ADAMTS7: variants seen among roughly 807,000 people sequenced by gnomAD.
The protein encoded by ADAMTS7 is A disintegrin and metalloproteinase with thrombospondin motifs 7.
ADAMTS7 carries 89 observed loss-of-function variants against 172.6 expected under a neutral mutation model. That is an observed-to-expected ratio of 0.52 (90% CI 0.43 to 0.61). The LOEUF is 0.61. Among genes scored for constraint, ADAMTS7 ranks in the 20% least tolerant of loss-of-function variants. The pLI is 0.00. For synonymous variants in ADAMTS7, 885 were observed against 978.4 expected, an observed-to-expected ratio of 0.90 and a Z score of 1.78; for missense variants, 1,973 against 2,355.6, an observed-to-expected ratio of 0.84 and a Z score of 3.36.
At chr15:78,803,196 AC>A (rs2055747712) in intron 1 of ADAMTS7, among the ~76,000 whole-genome samples, 1 of 149,306 alleles carries the variant, frequency 6.7e-6, no homozygotes, top group Admixed American at 6.7e-5. Context: ...ACTTGTCACT[AC>A]AAAAAAAAAA....
Position 78,777,504 on chromosome 15 carries a change from A to T in ADAMTS7, c.1407T>A (p.Asp469Glu), listed in dbSNP as rs763020785. The change falls in exon 9 of 24, where the codon GAT (aspartate) becomes GAA (glutamate). Residue 469 changes from aspartate to glutamate, a missense_variant. Physicochemically the swap from Asp to Glu is conservative, Grantham distance 45. Coordinates refer to ENST00000388820, the MANE Select transcript of ADAMTS7 (RefSeq NM_014272.5). ...FPSVPPGVLY[D>E]VSHQCRLQYG... ...ACTGGAGGCGGCACTGGTGGCTTAC[A>T]TCATAGAGGACGCCAGGTGGCACCG... 29 of 1,612,396 alleles carry T rather than the reference A, an allele frequency of 1.8e-5. No individual in the cohort carries two copies. The highest frequency in any genetic ancestry group is 2.2e-5 in the South Asian group (2 of 90,598).
At chr15:78,776,049 T>A in intron 11 of ADAMTS7, 139 bp downstream of exon 11, 1 of 1,171,200 alleles carries the variant, frequency 8.5e-7, no homozygotes, top group Non-Finnish European at 1.1e-6. Flanking sequence ...TGACTTAAGG[T>A]GGCCTGGACA....
At chr15:78,805,917 C>G (rs1423169870) in intron 1 of ADAMTS7, among the ~76,000 whole-genome samples, 1 of 151,582 alleles carries the variant, frequency 6.6e-6, no homozygotes, top group East Asian at 1.9e-4. Context: ...CCCATCTCTA[C>G]AAAAATACAA....
chr15:78,766,414 G>A lies in ADAMTS7; in HGVS notation c.3497C>T (p.Ala1166Val), dbSNP rs1321436957. The A allele has an allele frequency of 6.2e-6, 10 of 1,600,512 alleles. No individual in the cohort carries two copies. Among genetic ancestry groups the A allele is most frequent in the South Asian group, 1.1e-5 (1 of 89,418 alleles). Residue 1166 changes from alanine to valine, a missense_variant, in exon 19 of 24, where the codon GCC becomes GTC. By Grantham distance (64) the Ala-to-Val change is moderately conservative. Transcript: ENST00000388820. The part of the protein sequence containing the change: ...FLPEEDTPIG[A>V]PDLGLPSLSW... ...CAGGCTGGGGAGCCCAAGATCTGGG[G>A]CCCCTATGGGGGTGTCTTCCTCAGG...
Position 78,764,065 on chromosome 15 carries a change from C to A in ADAMTS7, c.4454G>T (p.Arg1485Leu), listed in dbSNP as rs372565775. Reference protein sequence around the residue: ...SRSCGGGSSVRDVQCVDTRDL... With the variant: ...SRSCGGGSSVLDVQCVDTRDL... ...CCGTGTGTCCACACACTGCACGTCC[C>A]GCACTGAGGAACCTCCGCCGCAGCT... The change falls in exon 21 of 24, where the codon CGG (arginine) becomes CTG (leucine). Residue 1485 changes from arginine (R) to leucine (L), a missense_variant. Arg to Leu is a moderately radical substitution (Grantham distance 102). Coordinates refer to ENST00000388820, the MANE Select transcript of ADAMTS7 (RefSeq NM_014272.5). 1.3e-6 allele frequency: 2 copies of A among 1,532,542 alleles called. No homozygotes were observed. The highest frequency in any genetic ancestry group is 1.2e-5 in the South Asian group (1 of 82,310). The allele number at this position is 1,532,542 out of a possible 1,614,324, so 94.9% of individuals were successfully genotyped here.
At chr15:78,794,525 G>A (rs1340328820) in intron 4 of ADAMTS7, among the ~76,000 whole-genome samples, 14 of 152,196 alleles carry the variant, frequency 9.2e-5, no homozygotes, top group Non-Finnish European at 2.1e-4. Context: ...GCTTGATATT[G>A]TCAGAGCAGG....
Position 78,761,831 on chromosome 15 carries a change from A to G in ADAMTS7, c.4903+572T>C, listed in dbSNP as rs573115668. 4 of 985,298 alleles carry G rather than the reference A, an allele frequency of 4.1e-6. No individual in the cohort carries two copies. In the African/African-American group the frequency reaches 7.0e-5, roughly 17 times the overall value. The allele number at this position is 985,298 out of a possible 1,614,324, so 61.0% of individuals were successfully genotyped here. A position where few individuals can be genotyped will look rare whatever the true frequency, so the allele number is the denominator to read the frequency against. ...CACCTCTACCTCAGGCCCTTCCACC[A>G]GGACCCAGCTGGCCAGGAAACCCCC... On this transcript the variant is annotated intron_variant, in intron 23 of 23. Transcript: ENST00000388820.
chr15:78,791,005 G>T (rs1326074110), intron 5 of ADAMTS7, 135 bp downstream of exon 5: 3 of 1,235,540 alleles, frequency 2.4e-6, no homozygotes, highest in Non-Finnish European at 3.4e-6. Context: ...GGAACCAGGG[G>T]GTGGCAGGGG....
rs2141473914 is a variant in ADAMTS7 at position 78,765,991 on chromosome 15, T to C, written c.3920A>G (p.Asp1307Gly). 3 of 1,600,038 alleles carry C rather than the reference T, an allele frequency of 1.9e-6. No individual in the cohort carries two copies. The Middle Eastern group carries it at 6.8e-4, about 362-fold the overall frequency. Residue 1307 changes from aspartate (D) to glycine (G), a missense_variant, in exon 19 of 24, where the codon GAC becomes GGC. Asp to Gly is a moderately conservative substitution (Grantham distance 94). Coordinates refer to ENST00000388820, the MANE Select transcript of ADAMTS7 (RefSeq NM_014272.5). ...IAPLPEMKVR[D>G]SSLEPGTPSF... ...GGGAGTCCCCGGCTCCAGGGAACTG[T>C]CCCTGACCTTCATCTCTGGCAGAGG...
rs781592764 is a variant in ADAMTS7 at position 78,764,666 on chromosome 15, C to T, written c.4308G>A (p.Val1436=). 20 of 1,570,960 alleles carry T rather than the reference C, an allele frequency of 1.3e-5. No homozygotes were observed. The highest frequency in any genetic ancestry group is 1.7e-5 in the Non-Finnish European group (20 of 1,167,336). Residue 1436 remains valine (V), a synonymous_variant, in exon 20 of 24, where the codon GTG becomes GTA. Transcript: ENST00000388820. ...CCTCATCCCGGCCGGAGCTACAGCG[C>T]ACCGGCCTCCAGACCGCACCCAGGC... is the stretch of plus-strand genomic sequence containing the variant. ...TCGLGAVWRP[V]RCSSGRDEDC... is the part of the protein sequence containing the mutation.
chr15:78,778,299 C>T (rs2055381817), intron 8 of ADAMTS7, among the ~76,000 whole-genome samples: 2 of 152,272 alleles, frequency 1.3e-5, no homozygotes, highest in Admixed American at 6.5e-5. Flanking sequence ...AGACACAACA[C>T]CATGAGGCAG....
intron 10 of ADAMTS7, 104 bp from the exon 11 acceptor site, chr15:78,776,437 G>A: frequency 6.8e-7 from 1 of 1,462,646 alleles, no homozygotes; most frequent in Non-Finnish European, 9.2e-7. Flanking sequence ...AGGCACAGAG[G>A]GGAAGGATGG....
At position 78,771,764 on chromosome 15, in the gene ADAMTS7, C is replaced by A. The variant is rs765947822; in HGVS notation, c.2197G>T (p.Ala733Ser). The A allele has an allele frequency of 1.9e-6, 3 of 1,612,534 alleles. No homozygotes were observed. In the South Asian group the frequency reaches 3.3e-5, roughly 18 times the overall value. ...REIRIQEVAE[A>S]ANFLALRSED... The stretch of plus-strand genomic sequence containing the variant: ...CTCCGCAGTGCCAGGAAGTTGGCAG[C>A]CTCGGCAACCTCTTGGATGCGGATC... Residue 733 changes from alanine to serine, a missense_variant, in exon 15 of 24, where the codon GCT becomes TCT. This residue lies in a region of ADAMTS7 where 771 missense variants were observed against 952.6 expected (regional missense o/e 0.81). Transcript: ENST00000388820. The surrounding 1 kb of genome is among the most constrained non-coding windows in gnomAD (Gnocchi z 4.9).
chr15:78,778,014 C>G (rs2055377156), intron 8 of ADAMTS7, among the ~76,000 whole-genome samples: 1 of 152,234 alleles, frequency 6.6e-6, no homozygotes, highest in Admixed American at 6.5e-5. Context: ...TCCGACGGCC[C>G]CACCCAGGCA....
chr15:78,799,923 C>G (rs1403854107), intron 2 of ADAMTS7, among the ~76,000 whole-genome samples: 1 of 151,730 alleles, frequency 6.6e-6, no homozygotes, highest in African/African-American at 2.4e-5. Context: ...AATTCCTGGG[C>G]TCAAGTGATC....
chr15:78,768,128 C>T lies in ADAMTS7; in HGVS notation c.2645+5G>A. The stretch of plus-strand genomic sequence containing the variant: ...GGAGTTGGCGGGGGATGGGGGCGGG[C>T]TCACCTGGCAGGGCAGGGCTGCTCG... On this transcript the variant is annotated splice_donor_5th_base_variant and intron_variant, in intron 17 of 23. Coordinates refer to ENST00000388820, the MANE Select transcript of ADAMTS7 (RefSeq NM_014272.5). The T allele has an allele frequency of 7.0e-7, 1 of 1,429,014 alleles. No homozygotes were observed. The allele number at this position is 1,429,014 out of a possible 1,614,324, so 88.5% of individuals were successfully genotyped here. A position where few individuals can be genotyped will look rare whatever the true frequency, so the allele number is the denominator to read the frequency against.
intron 23 of ADAMTS7, 68 bp from the exon 24 acceptor site, chr15:78,759,646 C>T: frequency 1.4e-6 from 2 of 1,458,450 alleles, no homozygotes; most frequent in Non-Finnish European, 1.8e-6. Flanking sequence ...GCTCCCTACG[C>T]CAACCACCTT....
intron 14 of ADAMTS7, among the ~76,000 whole-genome samples, chr15:78,772,509 C>G (rs965817793): frequency 1.3e-5 from 2 of 152,210 alleles, no homozygotes; most frequent in East Asian, 3.9e-4. Context: ...CTCTTCTTTC[C>G]TCCATTTGGA....
Position 78,800,512 on chromosome 15 carries a change from C to G in ADAMTS7, c.136G>C (p.Val46Leu), listed in dbSNP as rs1260207113. 2 of 1,606,232 alleles carry G rather than the reference C, an allele frequency of 1.2e-6. No individual in the cohort carries two copies. The highest frequency in any genetic ancestry group is 1.7e-6 in the Non-Finnish European group (2 of 1,177,064). ...CCCGCGTCGACTCGAACCGGGTGCA[C>G]GATGTCCAGTGCCGCCCGGCCCTCG... Reference protein sequence around the residue: ...ATEGRAALDIVHPVRVDAGGS... With the variant: ...ATEGRAALDILHPVRVDAGGS... Residue 46 changes from valine to leucine, a missense_variant, in exon 2 of 24, where the codon GTG (valine) becomes CTG (leucine). By Grantham distance (32) the Val-to-Leu change is conservative (BLOSUM62 1). Around this residue, in one of 8 missense-constraint regions of ADAMTS7, gnomAD observed 306 missense variants for 288.0 expected, o/e 1.06. Transcript: ENST00000388820.
Sources: allele counts gnomAD v4.1 joint callset (sites outside exome capture counted in the v4.1 genomes callset), GRCh38; gene constraint gnomAD v4.1.1; regional missense constraint gnomAD v4.1.1; non-coding constraint Gnocchi (gnomAD v3.1); transcripts MANE v1.5; gene names NCBI Gene and HGNC (gene_info 2026-07-23, HGNC 2026-07-21).